AKR1C2: variants seen among roughly 807,000 people sequenced by gnomAD.
AKR1C2 encodes 3-alpha-HSD3.
In AKR1C2, 27 loss-of-function variants were observed where a neutral mutation model predicts 39.8. That is an observed-to-expected ratio of 0.68 (90% CI 0.50 to 0.93). AKR1C2 has a LOEUF of 0.93. AKR1C2 is among the 40% of genes least tolerant of loss of function. The probability of loss-of-function intolerance (pLI) is 0.00; values close to 1 mark genes in which losing one functional copy is unlikely to be tolerated. For synonymous variants in AKR1C2, 114 were observed against 137.9 expected, an observed-to-expected ratio of 0.83 and a Z score of 1.22; for missense variants, 263 against 365.1, an observed-to-expected ratio of 0.72 and a Z score of 2.28.
chr10:4,998,889 A>G (rs1837158542), intron 4 of AKR1C2, 142 bp from the exon 5 acceptor site: 6 of 1,411,968 alleles, frequency 4.2e-6, no homozygotes, highest in Non-Finnish European at 4.7e-6. Flanking sequence ...GAGAAAATAA[A>G]ACAGAAAAAT....
intron 5 of AKR1C2, among the ~76,000 whole-genome samples, chr10:4,996,547 A>T (rs1156300218): frequency 5.5e-5 from 8 of 144,550 alleles, no homozygotes; most frequent in African/African-American, 1.3e-4. Flanking sequence ...ATATATATAT[A>T]ATATATATAT....
upstream of AKR1C2, chr10:5,005,847 T>C (rs1334078355): frequency 1.3e-5 from 2 of 152,246 alleles, no homozygotes; most frequent in African/African-American, 4.8e-5. Flanking sequence ...ATGAAAAATA[T>C]GGATTAAGAA....
intron 1 of AKR1C2, among the ~76,000 whole-genome samples, chr10:5,009,699 G>T (rs1485740450): frequency 6.6e-6 from 1 of 152,020 alleles, no homozygotes. Context: ...TTGCCTTTTG[G>T]CCCACCACAC....
chr10:4,993,486 A>T (rs4344395), intron 7 of AKR1C2, among the ~76,000 whole-genome samples: 64,633 of 151,568 alleles, frequency 0.43, 14,821 homozygotes, highest in Non-Finnish European at 0.51. Flanking sequence ...TAAAAGTCAT[A>T]CCCATTAGAA....
Position 4,988,237 on chromosome 10 carries a change from A to G in AKR1C2, c.*1759T>C, listed in dbSNP as rs1487827138. Reference sequence around the variant, plus strand: ...CTTTTCTTGACACTTACATCAGTCAAGTTTATGAGATGTGAAATTATCATT... The same window carrying G: ...CTTTTCTTGACACTTACATCAGTCAGGTTTATGAGATGTGAAATTATCATT... On this transcript the variant is annotated 3_prime_UTR_variant, in exon 9 of 9. Coordinates refer to ENST00000380753, the MANE Select transcript of AKR1C2 (RefSeq NM_001393392.1). 1 of 152,212 alleles carries G rather than the reference A, an allele frequency of 6.6e-6. No homozygotes were observed. The highest frequency in any genetic ancestry group is 2.4e-5 in the African/African-American group (1 of 41,460). 9.4% of individuals were successfully genotyped at this position (152,212 alleles called of 1,614,324 possible).
At position 4,998,604 on chromosome 10, in the gene AKR1C2, G is replaced by A. The variant is rs782183417; in HGVS notation, c.570+21C>T. ...AGAGGGGCATGAAGAACAGAAAGGA[G>A]AGGAGGCTGAGGGCGCTCACCTGGT... On this transcript the variant is annotated intron_variant, in intron 5 of 8. Coordinates refer to ENST00000380753, the MANE Select transcript of AKR1C2 (RefSeq NM_001393392.1). The A allele has an allele frequency of 3.2e-5, 52 of 1,613,430 alleles. No individual in the cohort carries two copies. In the South Asian group the frequency reaches 5.3e-4, roughly 16 times the overall value.
upstream of AKR1C2, among the ~76,000 whole-genome samples, chr10:5,008,829 T>C (rs1352679304): frequency 1.3e-5 from 2 of 152,252 alleles, no homozygotes; most frequent in African/African-American, 2.4e-5. Context: ...CAAATACATA[T>C]TGATATGATA....
chr10:4,994,279 T>A (rs1345886974), intron 7 of AKR1C2, among the ~76,000 whole-genome samples: 3 of 151,694 alleles, frequency 2.0e-5, no homozygotes, highest in Non-Finnish European at 2.9e-5. Flanking sequence ...CTATATATAT[T>A]CATATTCATA....
chr10:4,996,097 T>C (rs1237629853), intron 5 of AKR1C2: 2 of 670,084 alleles, frequency 3.0e-6, no homozygotes, highest in African/African-American at 3.7e-5. Flanking sequence ...GGTTTCTCAA[T>C]AACTCCGACC....
intron 3 of AKR1C2, 185 bp downstream of exon 3, chr10:5,000,365 A>G (rs1554773698): frequency 1.3e-6 from 2 of 1,546,656 alleles, no homozygotes; most frequent in Admixed American, 2.0e-5. Context: ...ACATGCAATC[A>G]CGGAAGTATG....
At chr10:5,015,652 C>A (rs1837623727) in intron 1 of AKR1C2, among the ~76,000 whole-genome samples, 2 of 152,158 alleles carry the variant, frequency 1.3e-5, no homozygotes, top group Admixed American at 1.3e-4. Context: ...GCAAACCCCA[C>A]CTTCCCATAG....
chr10:4,988,067 A>G lies in AKR1C2; in HGVS notation c.*1929T>C, dbSNP rs1554771661. The G allele has an allele frequency of 6.6e-6, 1 of 152,180 alleles. No homozygotes were observed. Among genetic ancestry groups the G allele is most frequent in the African/African-American group, 2.4e-5 (1 of 41,432 alleles). The allele number at this position is 152,180 out of a possible 1,614,324, so 9.4% of individuals were successfully genotyped here. On this transcript the variant is annotated 3_prime_UTR_variant, in exon 9 of 9. Coordinates refer to ENST00000380753, the MANE Select transcript of AKR1C2 (RefSeq NM_001393392.1). ...GATGGTGAAGAACTGGAAAAAGCCCACAGCAGCCGTACTATTTACAAATGA... is the reference window on the plus strand; with the variant it reads ...GATGGTGAAGAACTGGAAAAAGCCCGCAGCAGCCGTACTATTTACAAATGA...
intron 1 of AKR1C2, among the ~76,000 whole-genome samples, chr10:5,011,203 G>C (rs1211831963): frequency 3.3e-5 from 5 of 152,098 alleles, no homozygotes; most frequent in Non-Finnish European, 5.9e-5. Flanking sequence ...ATTCATCAAA[G>C]AGCAGAGGTT....
intron 1 of AKR1C2, among the ~76,000 whole-genome samples, chr10:5,011,959 A>G (rs1430662314): frequency 2.0e-5 from 3 of 152,158 alleles, no homozygotes; most frequent in Admixed American, 2.0e-4. Context: ...TAATCTAGGT[A>G]TGAGTAGAAA....
chr10:5,002,981 C>T (rs1327739031), intron 1 of AKR1C2, among the ~76,000 whole-genome samples: 1 of 152,188 alleles, frequency 6.6e-6, no homozygotes, highest in Non-Finnish European at 1.5e-5. Flanking sequence ...TTTTATATAA[C>T]TAGTTCCTAT....
upstream of AKR1C2, chr10:5,004,057 C>T (rs1837349748): frequency 4.4e-6 from 2 of 450,794 alleles, no homozygotes; most frequent in African/African-American, 3.9e-5. Flanking sequence ...TCATGATACA[C>T]TCATTAATTT....
rs1426517282 is a variant in AKR1C2 at position 4,989,057 on chromosome 10, A to G, written c.*939T>C. 6.6e-6 allele frequency: 1 copy of G among 152,230 alleles called. No homozygotes were observed. Among genetic ancestry groups the G allele is most frequent in the Non-Finnish European group, 1.5e-5 (1 of 68,044 alleles). The allele number at this position is 152,230 out of a possible 1,614,324, so 9.4% of individuals were successfully genotyped here. On this transcript the variant is annotated 3_prime_UTR_variant, in exon 9 of 9. Coordinates refer to ENST00000380753, the MANE Select transcript of AKR1C2 (RefSeq NM_001393392.1). ...ATATTTATGTTTTATACTTGTAACT[A>G]TGCCTTGTTTAAAGTATAAAACATT... is the stretch of plus-strand genomic sequence containing the variant.
In AKR1C2 at chr10:4,989,094, A is replaced by G. The variant is rs1836752395; in HGVS notation, c.*902T>C. 6.6e-6 allele frequency: 1 copy of G among 152,222 alleles called. No homozygotes were observed. Among genetic ancestry groups the G allele is most frequent in the Admixed American group, 6.5e-5 (1 of 15,290 alleles). 9.4% of individuals were successfully genotyped at this position (152,222 alleles called of 1,614,324 possible). A position where few individuals can be genotyped will look rare whatever the true frequency, so the allele number is the denominator to read the frequency against. ...AAGTATAAAACATTTAAAAGATTGCATATAACAAATGAACAGTACATTTTT... is the reference window on the plus strand; with the variant it reads ...AAGTATAAAACATTTAAAAGATTGCGTATAACAAATGAACAGTACATTTTT... On this transcript the variant is annotated 3_prime_UTR_variant, in exon 9 of 9. Transcript: ENST00000380753.
intron 1 of AKR1C2, among the ~76,000 whole-genome samples, chr10:5,016,309 T>C (rs1837638067): frequency 6.6e-6 from 1 of 152,078 alleles, no homozygotes; most frequent in Admixed American, 6.6e-5. Context: ...AGTCATAAAA[T>C]CAAAAATAGG....
Sources: gnomAD v4.1 joint callset for allele counts (sites outside exome capture counted in the v4.1 genomes callset) on GRCh38, gnomAD v4.1.1 for gene constraint, MANE v1.5 for transcripts, NCBI Gene and HGNC (gene_info 2026-07-23, HGNC 2026-07-21) for gene names.